Variants in RSPO3 observed in about 807,000 individuals in gnomAD.
RSPO3 encodes the protein R-spondin-3.
A neutral mutation model predicts 36.5 loss-of-function variants in RSPO3; 17 were observed. The observed-to-expected ratio is 0.47, with a 90% CI of 0.32 to 0.70. RSPO3 has a LOEUF of 0.70. RSPO3 is among the 30% of genes least tolerant of loss of function. RSPO3 has a pLI of 0.04. For missense variants in RSPO3, 294 were observed against 322.5 expected (o/e 0.91, Z 0.68); for synonymous variants, 108 against 107.0 (o/e 1.01, Z -0.06).
chr6:127,165,443 G>A (rs1466045326), intron 4 of RSPO3, among the ~76,000 whole-genome samples: 2 of 152,076 alleles, frequency 1.3e-5, no homozygotes, highest in East Asian at 3.9e-4. Flanking sequence ...TTCAAATTTG[G>A]TTTGTCTCAA....
intron 1 of RSPO3, among the ~76,000 whole-genome samples, chr6:127,137,846 T>C (rs1742526706): frequency 6.6e-6 from 1 of 152,218 alleles, no homozygotes; most frequent in South Asian, 2.1e-4. Flanking sequence ...GTTTCTAATC[T>C]ATACATTTAT....
intron 1 of RSPO3, among the ~76,000 whole-genome samples, chr6:127,138,041 G>A (rs551326410): frequency 3.3e-5 from 5 of 152,160 alleles, no homozygotes; most frequent in African/African-American, 4.8e-5. Context: ...TATCACCTTC[G>A]TCAGATTCAC....
intron 4 of RSPO3, 124 bp downstream of exon 4, chr6:127,155,562 C>A: frequency 3.3e-6 from 3 of 898,398 alleles, no homozygotes; most frequent in Non-Finnish European, 5.2e-6. Flanking sequence ...GTGTACCAAG[C>A]AAGAATATGC....
At chr6:127,179,288 G>T (rs887367015) in intron 4 of RSPO3, among the ~76,000 whole-genome samples, 2 of 151,772 alleles carry the variant, frequency 1.3e-5, no homozygotes, top group Admixed American at 6.6e-5. Flanking sequence ...TGAGAGTAGA[G>T]GTATAAACTC....
intron 1 of RSPO3, among the ~76,000 whole-genome samples, chr6:127,124,603 A>C (rs1773905714): frequency 6.6e-6 from 1 of 151,738 alleles, no homozygotes. Context: ...GGGCAAATGT[A>C]GATTGCTTTC....
intron 1 of RSPO3, among the ~76,000 whole-genome samples, chr6:127,125,179 G>A (rs898980593): frequency 6.6e-6 from 1 of 151,992 alleles, no homozygotes; most frequent in Non-Finnish European, 1.5e-5. Flanking sequence ...GAATATGATT[G>A]TCCAATTAAA....
intron 4 of RSPO3, chr6:127,192,564 C>T (rs1775433678): frequency 3.1e-6 from 2 of 643,716 alleles, no homozygotes; most frequent in Non-Finnish European, 3.9e-6. Context: ...CACCATAGTG[C>T]TTCTCTGCAA....
At chr6:127,134,074 T>C (rs2114553821) in intron 1 of RSPO3, among the ~76,000 whole-genome samples, 1 of 152,264 alleles carries the variant, frequency 6.6e-6, no homozygotes, top group Non-Finnish European at 1.5e-5. Context: ...TACCCAGATT[T>C]TTCTCTGGGA....
At chr6:127,161,833 G>A (rs557776659) in intron 4 of RSPO3, among the ~76,000 whole-genome samples, 7 of 152,250 alleles carry the variant, frequency 4.6e-5, no homozygotes, top group African/African-American at 1.7e-4. Flanking sequence ...GCATTCTTCA[G>A]CTCCTAAGCA....
Position 127,195,921 on chromosome 6 carries a change from C to T in RSPO3, c.733C>T (p.Pro245Ser), listed in dbSNP as rs756407507. 6 of 1,613,058 alleles carry T rather than the reference C, an allele frequency of 3.7e-6. No homozygotes were observed. Among genetic ancestry groups the T allele is most frequent in the Non-Finnish European group, 3.4e-6 (4 of 1,179,422 alleles). ...SKSLESSKEIPEQRENKQQQK... is the reference protein window; with the variant it reads ...SKSLESSKEISEQRENKQQQK... ...AAGTCTGGAATCCAGCAAAGAAATC[C>T]CAGAGCAACGAGAAAACAAACAGCA... The change falls in exon 5 of 5, where the codon CCA (proline) becomes TCA (serine). Residue 245 changes from proline (P) to serine (S), a missense_variant. Pro to Ser is a moderately conservative substitution (Grantham distance 74). Transcript: ENST00000356698.
rs565659132 is a variant in RSPO3, at chr6:127,119,329, G to T, written c.97+40G>T. ...TTTTACGCGTTTGCTCCCTCCCGCC[G>T]CGTTCACCTGTCGGGTCGCTTTGCC... On this transcript the variant is annotated intron_variant, in intron 1 of 4. Transcript: ENST00000356698. The T allele has an allele frequency of 2.3e-5, 34 of 1,448,088 alleles. No homozygotes were observed. The Admixed American group carries it at 2.7e-4, about 12-fold the overall frequency. 89.7% of individuals were successfully genotyped at this position (1,448,088 alleles called of 1,614,324 possible).
intron 4 of RSPO3, among the ~76,000 whole-genome samples, chr6:127,171,529 G>A (rs916336040): frequency 2.6e-5 from 4 of 151,628 alleles, no homozygotes; most frequent in African/African-American, 9.7e-5. Flanking sequence ...TATGACTATA[G>A]TAAAACTATG....
In RSPO3 at chr6:127,196,261, ATAT is replaced by A; in HGVS notation, c.*258_*260del. The A allele has an allele frequency of 7.5e-6, 2 of 267,768 alleles. No individual in the cohort carries two copies. Among genetic ancestry groups the A allele is most frequent in the Non-Finnish European group, 7.0e-6 (1 of 142,642 alleles). The allele number at this position is 267,768 out of a possible 1,614,324, so 16.6% of individuals were successfully genotyped here. ...TTTAAAAGACAAGACATTCTTGTAC[ATAT>A]TATCAATAGGCTATAAGATGTAACA... On this transcript the variant is annotated 3_prime_UTR_variant, in exon 5 of 5. Transcript: ENST00000356698.
chr6:127,151,932 C>G (rs1774499247), intron 3 of RSPO3, among the ~76,000 whole-genome samples: 1 of 152,040 alleles, frequency 6.6e-6, no homozygotes, highest in Non-Finnish European at 1.5e-5. Context: ...TATTCAAGAG[C>G]AGAAATTCAG....
intron 4 of RSPO3, among the ~76,000 whole-genome samples, chr6:127,158,950 G>C (rs1774649995): frequency 1.3e-5 from 2 of 152,056 alleles, no homozygotes; most frequent in South Asian, 4.2e-4. Context: ...TAGATTTTAA[G>C]AGATTATACA....
rs189517976 is a variant in RSPO3, at chr6:127,192,002, A to C, written c.635-3821A>C. Among the ~76,000 whole-genome samples the C allele has an allele frequency of 1.1e-4, 17 of 152,298 alleles. No individual in the cohort carries two copies. The South Asian group carries it at 1.7e-3, about 15-fold the overall frequency. ...TCCTTGCATGCCTTAGTGCATGTTC[A>C]CTGCCTGGCATGCACTTCTTCCCTC... On this transcript the variant is annotated intron_variant, in intron 4 of 4. Transcript: ENST00000356698.
At chr6:127,169,511 A>G (rs1021137791) in intron 4 of RSPO3, among the ~76,000 whole-genome samples, 2 of 151,902 alleles carry the variant, frequency 1.3e-5, no homozygotes, top group Non-Finnish European at 2.9e-5. Flanking sequence ...AACTAATTCT[A>G]GATTTCTTCC....
At chr6:127,192,776 G>A (rs570684511) in intron 4 of RSPO3, 34 of 655,206 alleles carry the variant, frequency 5.2e-5, no homozygotes, top group African/African-American at 2.0e-4. Context: ...ACGTGTGTGT[G>A]TATATATATA....
chr6:127,196,090 A>G lies in RSPO3; in HGVS notation c.*83A>G. ...GACAGGTGCTCTAGCCATTAGGACC[A>G]CAAATGGACATGTCAGTTATTGCTC... On this transcript the variant is annotated 3_prime_UTR_variant, in exon 5 of 5. Coordinates refer to ENST00000356698, the MANE Select transcript of RSPO3 (RefSeq NM_032784.5). The G allele has an allele frequency of 9.0e-7, 1 of 1,112,468 alleles. No individual in the cohort carries two copies. The highest frequency in any genetic ancestry group is 2.6e-5 in the Admixed American group (1 of 39,210). The allele number at this position is 1,112,468 out of a possible 1,614,324, so 68.9% of individuals were successfully genotyped here.
Sources: allele counts gnomAD v4.1 joint callset (sites outside exome capture counted in the v4.1 genomes callset), GRCh38; gene constraint gnomAD v4.1.1; transcripts MANE v1.5; gene names NCBI Gene and HGNC (gene_info 2026-07-23, HGNC 2026-07-21).